SCAMP1: variants seen among roughly 807,000 people sequenced by gnomAD.
SCAMP1 encodes the protein secretory carrier membrane protein 1.
A neutral mutation model predicts 41.8 loss-of-function variants in SCAMP1; 15 were observed. The observed-to-expected ratio is 0.36, with a 90% CI of 0.24 to 0.55. SCAMP1 has a LOEUF of 0.55. Among genes scored for constraint, SCAMP1 ranks in the 20% least tolerant of loss-of-function variants. SCAMP1 has a pLI of 0.86. For missense variants in SCAMP1, 341 were observed against 412.6 expected (o/e 0.83, Z 1.50); for synonymous variants, 135 against 136.8 (o/e 0.99, Z 0.09).
intron 1 of SCAMP1, among the ~76,000 whole-genome samples, chr5:78,364,436 G>A (rs1483768771): frequency 6.6e-6 from 1 of 151,980 alleles, no homozygotes; most frequent in African/African-American, 2.4e-5. Flanking sequence ...TTTCACAGCT[G>A]GGGGGGCAAA....
chr5:78,477,481 A>G lies in SCAMP1; in HGVS notation c.*1813A>G, dbSNP rs1754033058. 6.6e-6 allele frequency: 1 copy of G among 152,178 alleles called. No individual in the cohort carries two copies. Among genetic ancestry groups the G allele is most frequent in the African/African-American group, 2.4e-5 (1 of 41,464 alleles). 9.4% of individuals were successfully genotyped at this position (152,178 alleles called of 1,614,324 possible). A position where few individuals can be genotyped will look rare whatever the true frequency, so the allele number is the denominator to read the frequency against. Reference sequence around the variant, plus strand: ...GTGCTTTATTGAGTGTGGATTTTGCATACATTCAAAACATTAACCACAAAA... The same window carrying G: ...GTGCTTTATTGAGTGTGGATTTTGCGTACATTCAAAACATTAACCACAAAA... On this transcript the variant is annotated 3_prime_UTR_variant, in exon 9 of 9. Coordinates refer to ENST00000621999, the MANE Select transcript of SCAMP1 (RefSeq NM_004866.6).
chr5:78,462,996 A>AAAT (rs1374358279), intron 8 of SCAMP1, among the ~76,000 whole-genome samples: 12 of 131,196 alleles, frequency 9.1e-5, no homozygotes, highest in Non-Finnish European at 1.6e-4. Context: ...GAATGCATAG[A>AAAT]AATAATTTTA....
intron 1 of SCAMP1, among the ~76,000 whole-genome samples, chr5:78,376,096 CAG>C (rs371701416): frequency 2.6e-5 from 4 of 152,214 alleles, no homozygotes; most frequent in South Asian, 2.1e-4. Context: ...TTTTGAGGCT[CAG>C]GGGGGCATCA....
chr5:78,412,201 C>T (rs1752094697), intron 2 of SCAMP1, among the ~76,000 whole-genome samples: 1 of 151,882 alleles, frequency 6.6e-6, no homozygotes, highest in Admixed American at 6.6e-5. Context: ...ATTATGAATG[C>T]TTTATATCAT....
intron 1 of SCAMP1, among the ~76,000 whole-genome samples, chr5:78,372,675 T>C (rs763812274): frequency 7.9e-5 from 12 of 152,198 alleles, no homozygotes; most frequent in Non-Finnish European, 1.5e-4. Context: ...CTTACTGTTA[T>C]CCTCACTTCA....
At chr5:78,365,641 A>T (rs1750777810) in intron 1 of SCAMP1, among the ~76,000 whole-genome samples, 1 of 152,172 alleles carries the variant, frequency 6.6e-6, no homozygotes, top group South Asian at 2.1e-4. Flanking sequence ...TGCTTTGCCT[A>T]CATCAACCTG....
intron 6 of SCAMP1, among the ~76,000 whole-genome samples, chr5:78,447,555 A>G (rs1282262196): frequency 6.6e-6 from 1 of 152,142 alleles, no homozygotes; most frequent in Non-Finnish European, 1.5e-5. Flanking sequence ...AACCATATGC[A>G]AAAAAGAACT....
At chr5:78,412,368 T>C (rs543978037) in intron 2 of SCAMP1, among the ~76,000 whole-genome samples, 1 of 152,160 alleles carries the variant, frequency 6.6e-6, no homozygotes, top group Admixed American at 6.5e-5. Flanking sequence ...TTATAGTTGT[T>C]TTTTGTCTTG....
intron 1 of SCAMP1, among the ~76,000 whole-genome samples, chr5:78,385,297 CTT>C (rs1180747693): frequency 2.6e-5 from 4 of 152,012 alleles, no homozygotes; most frequent in Non-Finnish European, 5.9e-5. Flanking sequence ...TGTAATGTCT[CTT>C]GTTTCATTTC....
At chr5:78,448,960 A>G (rs944646990) in intron 6 of SCAMP1, among the ~76,000 whole-genome samples, 1 of 151,166 alleles carries the variant, frequency 6.6e-6, no homozygotes, top group African/African-American at 2.4e-5. Flanking sequence ...AGATTGCGCC[A>G]TTGCACTCCA....
chr5:78,368,785 C>T (rs1750862693), intron 1 of SCAMP1, among the ~76,000 whole-genome samples: 1 of 151,948 alleles, frequency 6.6e-6, no homozygotes, highest in Non-Finnish European at 1.5e-5. Context: ...TAGGAGAGCT[C>T]CCATCAGATA....
intron 6 of SCAMP1, among the ~76,000 whole-genome samples, chr5:78,446,300 A>G (rs1208187819): frequency 1.3e-5 from 2 of 152,188 alleles, no homozygotes; most frequent in Non-Finnish European, 2.9e-5. Context: ...CTTCTAATAG[A>G]TTTCTTAACT....
At chr5:78,426,680 C>T (rs767795570) in intron 6 of SCAMP1, among the ~76,000 whole-genome samples, 5 of 152,108 alleles carry the variant, frequency 3.3e-5, no homozygotes, top group Admixed American at 2.0e-4. Context: ...AGAACTTTTC[C>T]ATCCTTCCCA....
chr5:78,361,116 G>GC (rs1750637294), intron 1 of SCAMP1: 1 of 204,432 alleles, frequency 4.9e-6, no homozygotes, highest in Non-Finnish European at 9.9e-6. Flanking sequence ...GCGGAGGGGG[G>GC]CCCGCCCTGG....
At chr5:78,413,978 G>T (rs1752145703) in intron 2 of SCAMP1, among the ~76,000 whole-genome samples, 1 of 148,084 alleles carries the variant, frequency 6.8e-6, no homozygotes, top group African/African-American at 2.5e-5. Flanking sequence ...TTTCTTTTCT[G>T]TTACTGTTTT....
chr5:78,426,632 A>T (rs1286995877), intron 6 of SCAMP1, among the ~76,000 whole-genome samples: 1 of 152,138 alleles, frequency 6.6e-6, no homozygotes, highest in African/African-American at 2.4e-5. Flanking sequence ...TTTTAAGTAA[A>T]TTAATAGAGT....
At chr5:78,381,072 A>G (rs1751194600) in intron 1 of SCAMP1, among the ~76,000 whole-genome samples, 1 of 152,116 alleles carries the variant, frequency 6.6e-6, no homozygotes, top group African/African-American at 2.4e-5. Flanking sequence ...GTCTCAAAAA[A>G]AAAAAACTGT....
intron 8 of SCAMP1, among the ~76,000 whole-genome samples, chr5:78,464,982 T>C (rs1753709576): frequency 6.6e-6 from 1 of 152,204 alleles, no homozygotes; most frequent in African/African-American, 2.4e-5. Context: ...TTCCAGATTT[T>C]GTTTATATGA....
At chr5:78,428,551 C>T (rs754952927) in intron 6 of SCAMP1, among the ~76,000 whole-genome samples, 12 of 152,052 alleles carry the variant, frequency 7.9e-5, no homozygotes, top group Admixed American at 5.2e-4. Context: ...GTCAGTCTTT[C>T]GACTTTCTTC....
Sources: gnomAD v4.1 joint callset for allele counts (sites outside exome capture counted in the v4.1 genomes callset) on GRCh38, gnomAD v4.1.1 for gene constraint, MANE v1.5 for transcripts, NCBI Gene and HGNC (gene_info 2026-07-23, HGNC 2026-07-21) for gene names.